The following ZC3H7A variants were observed in gnomAD, a reference collection of about 807,000 sequenced individuals.
The protein encoded by ZC3H7A is zinc finger CCCH domain-containing protein 7A.
ZC3H7A carries 44 observed loss-of-function variants against 125.5 expected under a neutral mutation model. That is an observed-to-expected ratio of 0.35 (90% CI 0.28 to 0.45). ZC3H7A has a LOEUF of 0.45. ZC3H7A is among the 20% of genes least tolerant of loss of function. The probability of loss-of-function intolerance (pLI) is 1.00; values close to 1 mark genes in which losing one functional copy is unlikely to be tolerated. For synonymous variants in ZC3H7A, 399 were observed against 391.2 expected, an observed-to-expected ratio of 1.02 and a Z score of -0.23; for missense variants, 977 against 1,170.7, an observed-to-expected ratio of 0.83 and a Z score of 2.41.
intron 1 of ZC3H7A, among the ~76,000 whole-genome samples, chr16:11,790,320 C>T (rs183026625): frequency 2.0e-5 from 3 of 152,220 alleles, no homozygotes; most frequent in East Asian, 1.9e-4. Context: ...CAAGGCTCAG[C>T]GTCCTTTCAA....
chr16:11,776,323 G>A lies in ZC3H7A; in HGVS notation c.582C>T (p.Thr194=), dbSNP rs536053098. 6.2e-7 allele frequency: 1 copy of A among 1,606,030 alleles called. No individual in the cohort carries two copies. Among genetic ancestry groups the A allele is most frequent in the South Asian group, 1.1e-5 (1 of 88,164 alleles). Reference sequence around the variant, plus strand: ...TTGACAGAAAAAATAACTTTACCTTGGTAGCCCCATCCCCAGGAACTGATT... The same window carrying A: ...TTGACAGAAAAAATAACTTTACCTTAGTAGCCCCATCCCCAGGAACTGATT... ...SLKSVPGDGA[T]KALNHSVEDI... Residue 194 remains threonine, a synonymous_variant, in exon 7 of 23, where the codon ACC becomes ACT. Coordinates refer to ENST00000355758, the MANE Select transcript of ZC3H7A (RefSeq NM_014153.4).
intron 19 of ZC3H7A, among the ~76,000 whole-genome samples, chr16:11,761,057 C>A (rs1284460670): frequency 2.0e-5 from 3 of 152,240 alleles, no homozygotes; most frequent in African/African-American, 4.8e-5. Context: ...TACTGAAAAC[C>A]TGAGGTTTGG....
chr16:11,787,257 C>G (rs750271092), intron 1 of ZC3H7A, among the ~76,000 whole-genome samples: 1 of 152,086 alleles, frequency 6.6e-6, no homozygotes, highest in Non-Finnish European at 1.5e-5. Context: ...AGCTGCTGAC[C>G]GCGCCACTAC....
intron 13 of ZC3H7A, among the ~76,000 whole-genome samples, chr16:11,766,098 G>GA (rs5815653): frequency 0.047 from 6,629 of 141,924 alleles, 252 homozygotes; most frequent in East Asian, 0.18. Context: ...CACCTCAGCT[G>GA]AAAAAAAAAA....
At chr16:11,754,114 A>T (rs1028465598) in intron 21 of ZC3H7A, among the ~76,000 whole-genome samples, 4 of 151,440 alleles carry the variant, frequency 2.6e-5, no homozygotes, top group Non-Finnish European at 4.4e-5. Flanking sequence ...AACATGGCAA[A>T]ATCCCCATCT....
chr16:11,794,429 T>A (rs979964928), intron 1 of ZC3H7A, among the ~76,000 whole-genome samples: 7 of 152,264 alleles, frequency 4.6e-5, no homozygotes, highest in Admixed American at 4.6e-4. Context: ...TCTGGATTAA[T>A]ACTTTAATAC....
chr16:11,757,389 CAGG>C (rs1446493583), intron 20 of ZC3H7A, among the ~76,000 whole-genome samples: 2 of 145,220 alleles, frequency 1.4e-5, no homozygotes, highest in Non-Finnish European at 3.0e-5. Flanking sequence ...GAAGCTGAGG[CAGG>C]AGAATGGTGT....
At chr16:11,783,148 G>A (rs145414132) in intron 1 of ZC3H7A, 3 of 152,228 alleles carry the variant, frequency 2.0e-5, no homozygotes, top group African/African-American at 7.2e-5. Context: ...GCCTCCGAGG[G>A]AGTCTGACTT....
At chr16:11,768,928 C>T (rs1377405738) in intron 11 of ZC3H7A, 103 bp downstream of exon 11, 20 of 1,212,106 alleles carry the variant, frequency 1.7e-5, no homozygotes, top group Non-Finnish European at 1.8e-5. Context: ...GCAGCACACA[C>T]AAAATTTAAG....
intron 1 of ZC3H7A, among the ~76,000 whole-genome samples, chr16:11,786,652 G>C (rs2053261479): frequency 6.6e-6 from 1 of 152,180 alleles, no homozygotes; most frequent in Non-Finnish European, 1.5e-5. Flanking sequence ...GCTGTTTATA[G>C]ATCTAGGATC....
intron 13 of ZC3H7A, 92 bp downstream of exon 13, chr16:11,767,325 C>T (rs2052877483): frequency 9.7e-7 from 1 of 1,033,662 alleles, no homozygotes; most frequent in Non-Finnish European, 1.3e-6. Flanking sequence ...CCTAATGATG[C>T]ATTTCTCACA....
chr16:11,763,050 A>T (rs1416855002), intron 16 of ZC3H7A: 1 of 318,766 alleles, frequency 3.1e-6, no homozygotes, highest in Non-Finnish European at 5.8e-6. Context: ...GAAGCTCAGG[A>T]CAAAATCAAT....
chr16:11,789,953 C>T (rs1292119744), intron 1 of ZC3H7A, among the ~76,000 whole-genome samples: 1 of 151,736 alleles, frequency 6.6e-6, no homozygotes, highest in Non-Finnish European at 1.5e-5. Flanking sequence ...TGGAGGCATA[C>T]ACCTGTAATC....
intron 9 of ZC3H7A, among the ~76,000 whole-genome samples, chr16:11,771,759 C>T (rs1313241110): frequency 6.6e-6 from 1 of 152,076 alleles, no homozygotes; most frequent in Non-Finnish European, 1.5e-5. Flanking sequence ...CCTAGAACTC[C>T]CAAAGTGCTG....
At chr16:11,792,193 C>T (rs1257321381) in intron 1 of ZC3H7A, among the ~76,000 whole-genome samples, 1 of 152,188 alleles carries the variant, frequency 6.6e-6, no homozygotes, top group Non-Finnish European at 1.5e-5. Flanking sequence ...CAGGCGTGAC[C>T]TGTGTCTGGC....
intron 1 of ZC3H7A, among the ~76,000 whole-genome samples, chr16:11,785,609 T>C (rs549878735): frequency 2.0e-5 from 3 of 152,046 alleles, no homozygotes; most frequent in African/African-American, 7.2e-5. Flanking sequence ...TAAGTATCCA[T>C]ATGACCCATT....
chr16:11,755,935 C>A (rs1436710917), intron 21 of ZC3H7A, among the ~76,000 whole-genome samples: 2 of 152,080 alleles, frequency 1.3e-5, no homozygotes, highest in South Asian at 4.1e-4. Flanking sequence ...GAGGCCGAGG[C>A]AGGCAAATCA....
At chr16:11,789,117 G>T (rs2053308182) in intron 1 of ZC3H7A, among the ~76,000 whole-genome samples, 1 of 152,160 alleles carries the variant, frequency 6.6e-6, no homozygotes, top group Non-Finnish European at 1.5e-5. Context: ...TTTCCTGGTT[G>T]TGACAGTGTG....
intron 9 of ZC3H7A, among the ~76,000 whole-genome samples, chr16:11,771,339 G>A (rs550585356): frequency 6.6e-6 from 1 of 151,260 alleles, no homozygotes; most frequent in Non-Finnish European, 1.5e-5. Flanking sequence ...AGTGAGCCAA[G>A]ATCACGCAAT....
Sources: gnomAD v4.1 joint callset for allele counts (sites outside exome capture counted in the v4.1 genomes callset) on GRCh38, gnomAD v4.1.1 for gene constraint, MANE v1.5 for transcripts, NCBI Gene and HGNC (gene_info 2026-07-23, HGNC 2026-07-21) for gene names.